THOC1: variants seen among roughly 807,000 people sequenced by gnomAD.
The protein encoded by THOC1 is THO complex 1.
In THOC1, 29 loss-of-function variants were observed where a neutral mutation model predicts 97.3. That is an observed-to-expected ratio of 0.30 (90% CI 0.22 to 0.41). THOC1 has a LOEUF of 0.41. THOC1 is among the 10% of genes least tolerant of loss of function. THOC1 has a pLI of 1.00. For synonymous variants in THOC1, 255 were observed against 257.0 expected (o/e 0.99, Z 0.07); for missense variants, 529 against 761.9 (o/e 0.69, Z 3.60).
intron 8 of THOC1, among the ~76,000 whole-genome samples, chr18:253,492 TATGA>T (rs1425651664): frequency 6.6e-6 from 1 of 152,232 alleles, no homozygotes; most frequent in Non-Finnish European, 1.5e-5. Context: ...TTCAGAATAG[TATGA>T]ATGACCTCAT....
chr18:225,530 GAAT>G, intron 12 of THOC1, 127 bp from the exon 13 acceptor site: 1 of 726,832 alleles, frequency 1.4e-6, no homozygotes, highest in Non-Finnish European at 2.3e-6. Flanking sequence ...ACCAAGACAA[GAAT>G]AATCACAAAT....
At chr18:231,233 A>G (rs922161839) in intron 11 of THOC1, among the ~76,000 whole-genome samples, 1 of 152,212 alleles carries the variant, frequency 6.6e-6, no homozygotes, top group Non-Finnish European at 1.5e-5. Flanking sequence ...TCAGGCATAC[A>G]TCACTGGACT....
chr18:250,660 A>C (rs1912249510), intron 9 of THOC1, among the ~76,000 whole-genome samples: 1 of 152,228 alleles, frequency 6.6e-6, no homozygotes, highest in South Asian at 2.1e-4. Flanking sequence ...TCTGCTTTGT[A>C]AATTACAGTG....
chr18:214,572 G>T lies in THOC1; in HGVS notation c.*54C>A. 1 of 1,446,574 alleles carries T rather than the reference G, an allele frequency of 6.9e-7. No homozygotes were observed. Among genetic ancestry groups the T allele is most frequent in the Non-Finnish European group, 9.5e-7 (1 of 1,057,724 alleles). The allele number at this position is 1,446,574 out of a possible 1,614,324, so 89.6% of individuals were successfully genotyped here. A position where few individuals can be genotyped will look rare whatever the true frequency, so the allele number is the denominator to read the frequency against. On this transcript the variant is annotated 3_prime_UTR_variant, in exon 21 of 21. Coordinates refer to ENST00000261600, the MANE Select transcript of THOC1 (RefSeq NM_005131.3). ...AAAACCAGTGGACCTCTTATCAAAT[G>T]CTGCTTGGTAACAAAATCTATCACA...
intron 11 of THOC1, among the ~76,000 whole-genome samples, chr18:240,100 A>G (rs1911846734): frequency 6.6e-6 from 1 of 152,214 alleles, no homozygotes; most frequent in Admixed American, 6.5e-5. Context: ...TTTCTGTTAT[A>G]GTCAGTATTA....
chr18:236,914 T>C (rs1244945842), intron 11 of THOC1, among the ~76,000 whole-genome samples: 1 of 152,112 alleles, frequency 6.6e-6, no homozygotes, highest in Non-Finnish European at 1.5e-5. Flanking sequence ...AATAATTTAA[T>C]AATTTTCCTG....
At chr18:223,970 A>C (rs963311639) in intron 16 of THOC1, 114 bp downstream of exon 16, 5 of 784,316 alleles carry the variant, frequency 6.4e-6, no homozygotes, top group East Asian at 5.4e-5. Context: ...TTGGCTATCT[A>C]TGTGTGTACC....
intron 9 of THOC1, among the ~76,000 whole-genome samples, chr18:250,739 A>G (rs1912251895): frequency 6.6e-6 from 1 of 152,222 alleles, no homozygotes; most frequent in Non-Finnish European, 1.5e-5. Context: ...TCTATTCAAC[A>G]TTAGTGACTG....
intron 7 of THOC1, among the ~76,000 whole-genome samples, chr18:257,095 C>CT (rs1392111996): frequency 1.3e-5 from 2 of 152,128 alleles, no homozygotes; most frequent in African/African-American, 4.8e-5. Context: ...GTAAACATAA[C>CT]TTTTATACGC....
At chr18:250,099 T>C (rs1294340557) in intron 9 of THOC1, among the ~76,000 whole-genome samples, 1 of 152,232 alleles carries the variant, frequency 6.6e-6, no homozygotes, top group Non-Finnish European at 1.5e-5. Flanking sequence ...TCTTCCCTTT[T>C]ATCTTTAATT....
chr18:247,779 A>C (rs1335769671), intron 10 of THOC1, 70 bp downstream of exon 10: 2 of 877,592 alleles, frequency 2.3e-6, no homozygotes, highest in Non-Finnish European at 3.7e-6. Flanking sequence ...ATGTTAGACA[A>C]GATTAAGTTT....
intron 11 of THOC1, among the ~76,000 whole-genome samples, chr18:228,536 ACC>A (rs1491048078): frequency 3.3e-5 from 5 of 151,568 alleles, no homozygotes; most frequent in Non-Finnish European, 5.9e-5. Context: ...GGAAAAAAAA[ACC>A]AAAATCACCA....
rs545224453 is a variant in THOC1 at position 260,329 on chromosome 18, T to C, written c.257-25A>G. 4.0e-5 allele frequency: 57 copies of C among 1,408,006 alleles called. No homozygotes were observed. The South Asian group carries it at 8.2e-4, about 20-fold the overall frequency. 87.2% of individuals were successfully genotyped at this position (1,408,006 alleles called of 1,614,324 possible). ...CCTTCAAGTGGAGCACAAGCCAATT[T>C]AAAAGTTTAAAAAACTGTAGAGTAG... On this transcript the variant is annotated intron_variant, in intron 4 of 20. Transcript: ENST00000261600.
At chr18:247,140 T>TA (rs1295349641) in intron 10 of THOC1, among the ~76,000 whole-genome samples, 1 of 152,160 alleles carries the variant, frequency 6.6e-6, no homozygotes, top group Non-Finnish European at 1.5e-5. Context: ...ACTAACCACT[T>TA]AATCTGAATT....
intron 11 of THOC1, chr18:244,940 ATG>A (rs1407780497): frequency 4.6e-5 from 7 of 151,540 alleles, no homozygotes; most frequent in African/African-American, 1.5e-4. Context: ...TTGTTCATCT[ATG>A]TCCAGTGTAT....
chr18:237,157 A>ATTTT (rs763933161), intron 11 of THOC1, among the ~76,000 whole-genome samples: 1 of 126,306 alleles, frequency 7.9e-6, no homozygotes. Flanking sequence ...CATGTACTGG[A>ATTTT]TTTTTTTTTT....
chr18:214,533 G>A lies in THOC1; in HGVS notation c.*93C>T. The A allele has an allele frequency of 1.0e-6, 1 of 1,002,358 alleles. No homozygotes were observed. The highest frequency in any genetic ancestry group is 1.5e-6 in the Non-Finnish European group (1 of 685,364). The allele number at this position is 1,002,358 out of a possible 1,614,324, so 62.1% of individuals were successfully genotyped here. A position where few individuals can be genotyped will look rare whatever the true frequency, so the allele number is the denominator to read the frequency against. On this transcript the variant is annotated 3_prime_UTR_variant, in exon 21 of 21. Transcript: ENST00000261600. ...ACTGTACAACAATTGTTATAAAAAT[G>A]TTTATTGTTTACCAAAACCAGTGGA... is the stretch of plus-strand genomic sequence containing the variant.
At chr18:247,311 ATTC>A (rs1319760471) in intron 10 of THOC1, among the ~76,000 whole-genome samples, 3 of 152,248 alleles carry the variant, frequency 2.0e-5, no homozygotes, top group Admixed American at 6.5e-5. Context: ...AATATAACAA[ATTC>A]TTCTAAAACA....
At chr18:216,743 C>T in intron 18 of THOC1, 110 bp from the exon 19 acceptor site, 8 of 1,340,446 alleles carry the variant, frequency 6.0e-6, no homozygotes, top group South Asian at 2.1e-5. Context: ...GCTCAAAGTG[C>T]CATTCTTTGT....
Sources: gnomAD v4.1 joint callset for allele counts (sites outside exome capture counted in the v4.1 genomes callset) on GRCh38, gnomAD v4.1.1 for gene constraint, MANE v1.5 for transcripts, NCBI Gene and HGNC (gene_info 2026-07-23, HGNC 2026-07-21) for gene names.